ARAP2: variants seen among roughly 807,000 people sequenced by gnomAD.
ARAP2 encodes ArfGAP with RhoGAP domain, ankyrin repeat and PH domain 2, also known as arf-GAP with Rho-GAP domain, ANK repeat and PH domain-containing protein 2.
In ARAP2, 148 loss-of-function variants were observed where a neutral mutation model predicts 194.5. That is an observed-to-expected ratio of 0.76 (90% CI 0.67 to 0.87). The LOEUF (loss-of-function observed/expected upper bound fraction) is 0.87, where lower values mean the gene tolerates loss of function less well. Ranked by LOEUF, ARAP2 falls within the 40% of genes least tolerant of loss-of-function variation. The probability of loss-of-function intolerance (pLI) is 0.00; values close to 1 mark genes in which losing one functional copy is unlikely to be tolerated. For missense variants in ARAP2, 2,128 were observed against 1,989.7 expected (o/e 1.07, Z -1.32); for synonymous variants, 695 against 683.5 (o/e 1.02, Z -0.26).
intron 1 of ARAP2, among the ~76,000 whole-genome samples, chr4:36,237,494 T>C (rs963991492): frequency 2.0e-5 from 3 of 152,180 alleles, no homozygotes; most frequent in Non-Finnish European, 4.4e-5. Flanking sequence ...GTTTGTGTGG[T>C]CCTTGTGGTA....
chr4:36,190,294 CAAT>C (rs1241058277), intron 7 of ARAP2, among the ~76,000 whole-genome samples: 1 of 152,178 alleles, frequency 6.6e-6, no homozygotes, highest in African/African-American at 2.4e-5. Flanking sequence ...TCCTTTATAA[CAAT>C]TATTCATTGT....
chr4:36,146,240 T>C (rs1387953017), intron 19 of ARAP2, among the ~76,000 whole-genome samples: 1 of 152,016 alleles, frequency 6.6e-6, no homozygotes, highest in Non-Finnish European at 1.5e-5. Flanking sequence ...ACTGCTTTCC[T>C]GCCCAGCATC....
intron 5 of ARAP2, among the ~76,000 whole-genome samples, chr4:36,045,644 A>G (rs1417835974): frequency 6.6e-6 from 1 of 152,178 alleles, no homozygotes; most frequent in African/African-American, 2.4e-5. Context: ...GATGGCAACT[A>G]TAGGTCATAA....
rs1249420739 is a variant in ARAP2, at chr4:36,091,987, A to G, written c.4319T>C (p.Ile1440Thr). The change falls in exon 28 of 33, where the codon ATC (isoleucine) becomes ACC (threonine). Residue 1440 changes from isoleucine (I) to threonine (T), a missense_variant. Coordinates refer to ENST00000303965, the MANE Select transcript of ARAP2 (RefSeq NM_015230.4). ...RSTLGSIKEG[I>T]LKIKEEPSKI... is the part of the protein sequence containing the mutation. ...GGATGGTTCTTCTTTGATTTTCAAGATTCCTTCTTTGATGCTTCCCAGTGT... is the reference window on the plus strand; with the variant it reads ...GGATGGTTCTTCTTTGATTTTCAAGGTTCCTTCTTTGATGCTTCCCAGTGT... 6.2e-7 allele frequency: 1 copy of G among 1,603,540 alleles called. No individual in the cohort carries two copies. The highest frequency in any genetic ancestry group is 8.5e-7 in the Non-Finnish European group (1 of 1,172,110).
intron 14 of ARAP2, 112 bp downstream of exon 14, chr4:36,159,219 A>ATTTTTT: frequency 8.4e-7 from 1 of 1,189,986 alleles, no homozygotes; most frequent in Non-Finnish European, 1.1e-6. Flanking sequence ...TGGTAATTAC[A>ATTTTTT]TTTTTCTTCA....
intron 15 of ARAP2, among the ~76,000 whole-genome samples, chr4:36,153,036 T>C (rs1048455407): frequency 5.3e-5 from 8 of 152,242 alleles, no homozygotes; most frequent in African/African-American, 1.9e-4. Flanking sequence ...TAAATGTGAC[T>C]GCAGATCTCA....
At chr4:36,238,935 T>TA (rs34560123) in intron 1 of ARAP2, among the ~76,000 whole-genome samples, 64,321 of 151,868 alleles carry the variant, frequency 0.42, 15,311 homozygotes, top group East Asian at 0.62. Context: ...ATGGTTATGG[T>TA]AAAAAACAAA....
At chr4:36,195,141 T>G (rs1026644537) in intron 6 of ARAP2, among the ~76,000 whole-genome samples, 1 of 148,006 alleles carries the variant, frequency 6.8e-6, no homozygotes, top group Non-Finnish European at 1.5e-5. Flanking sequence ...TACTCCAGCC[T>G]GGGCAACACA....
chr4:36,239,363 G>A (rs1378312460), intron 1 of ARAP2, among the ~76,000 whole-genome samples: 1 of 152,012 alleles, frequency 6.6e-6, no homozygotes, highest in African/African-American at 2.4e-5. Context: ...ATAAGGAGTG[G>A]AAGCAACCCA....
At chr4:36,059,321 G>A (rs1340244153) in intron 1 of ARAP2, among the ~76,000 whole-genome samples, 1 of 152,038 alleles carries the variant, frequency 6.6e-6, no homozygotes, top group East Asian at 1.9e-4. Flanking sequence ...TGCAATTAGG[G>A]AGACAAGTTG....
At chr4:36,156,543 G>C (rs532643215) in intron 15 of ARAP2, among the ~76,000 whole-genome samples, 1 of 151,710 alleles carries the variant, frequency 6.6e-6, no homozygotes, top group South Asian at 2.1e-4. Context: ...ACAAAGATAA[G>C]CCTCTTTTTT....
chr4:36,225,967 C>T (rs1750213163), intron 2 of ARAP2, among the ~76,000 whole-genome samples: 1 of 151,944 alleles, frequency 6.6e-6, no homozygotes, highest in Admixed American at 6.6e-5. Flanking sequence ...TATATTATAA[C>T]ACTTTAAAAT....
intron 6 of ARAP2, among the ~76,000 whole-genome samples, chr4:36,017,563 G>GGAAAAAAAAAAAAAAA: frequency 1.5e-4 from 1 of 6,530 alleles, no homozygotes; most frequent in Non-Finnish European, 2.4e-4. Context: ...TAAGAAAGTG[G>GGAAAAAAAAAAAAAAA]TAAAAAAAAA....
At chr4:36,155,254 A>C (rs576775440) in intron 15 of ARAP2, among the ~76,000 whole-genome samples, 4 of 152,322 alleles carry the variant, frequency 2.6e-5, no homozygotes, top group African/African-American at 9.6e-5. Context: ...CTTTCACTTC[A>C]GGGGGAAAGA....
chr4:36,058,758 A>C (rs1723934938), intron 1 of ARAP2, among the ~76,000 whole-genome samples: 2 of 152,216 alleles, frequency 1.3e-5, no homozygotes, highest in Admixed American at 1.3e-4. Flanking sequence ...TGGTTAATCT[A>C]AGACTTTGCA....
intron 29 of ARAP2, 148 bp from the exon 30 acceptor site, chr4:36,082,434 T>A: frequency 2.7e-6 from 2 of 752,924 alleles, no homozygotes; most frequent in Non-Finnish European, 4.3e-6. Flanking sequence ...TGGACTTAGC[T>A]AGAGGTGAAT....
At chr4:36,136,783 A>ATGTGTGTGTGTG (rs772565955) in intron 19 of ARAP2, among the ~76,000 whole-genome samples, 29 of 143,904 alleles carry the variant, frequency 2.0e-4, no homozygotes, top group South Asian at 6.6e-4. Context: ...AATCAAATAT[A>ATGTGTGTGTGTG]TGTGTGTGTG....
intron 15 of ARAP2, among the ~76,000 whole-genome samples, chr4:36,157,994 C>G (rs1578112106): frequency 6.6e-6 from 1 of 152,088 alleles, no homozygotes; most frequent in African/African-American, 2.4e-5. Context: ...GCATGTACAG[C>G]TTAATCTCTC....
rs577130314 is a variant in ARAP2 at position 36,025,110 on chromosome 4, A to G, written n.608-5824T>C. 3.9e-5 allele frequency among the ~76,000 whole-genome samples: 6 copies of G among 152,308 alleles called. No homozygotes were observed. In the East Asian group the frequency reaches 1.2e-3, roughly 29 times the overall value. On this transcript the variant is annotated intron_variant and non_coding_transcript_variant, in intron 5 of 12. Coordinates refer to the ARAP2 transcript ENST00000503225. The stretch of plus-strand genomic sequence containing the variant: ...TGTTGGAGATAATTCATAGTCAAAA[A>G]GAATTATTAAATGATGAGCAGCTAT...
Sources: allele counts gnomAD v4.1 joint callset (sites outside exome capture counted in the v4.1 genomes callset), GRCh38; gene constraint gnomAD v4.1.1; transcripts MANE v1.5; gene names NCBI Gene and HGNC (gene_info 2026-07-23, HGNC 2026-07-21).